Variants in NARF observed in about 807,000 individuals in gnomAD.
The protein encoded by NARF is nuclear prelamin A recognition factor, also known as iron-only hydrogenase-like protein 2.
NARF carries 41 observed loss-of-function variants against 48.0 expected under a neutral mutation model. The ratio of observed to expected loss-of-function variants is 0.85; its 90% CI spans 0.66 to 1.11. The LOEUF is 1.11. NARF is among the 50% of genes least tolerant of loss of function. The pLI, the probability that NARF is intolerant of heterozygous loss-of-function variation, is 0.00. For missense variants in NARF, 613 were observed against 590.2 expected, an observed-to-expected ratio of 1.04 and a Z score of -0.40; for synonymous variants, 215 against 225.5, an observed-to-expected ratio of 0.95 and a Z score of 0.42.
chr17:82,471,269 C>G (rs140100806), intron 4 of NARF, among the ~76,000 whole-genome samples: 11 of 150,634 alleles, frequency 7.3e-5, no homozygotes, highest in Admixed American at 2.0e-4. Context: ...TCCTGGCTAA[C>G]GCAGTGAAAC....
upstream of NARF, chr17:82,458,667 G>A (rs1373752445): frequency 4.2e-6 from 5 of 1,182,944 alleles, no homozygotes; most frequent in Non-Finnish European, 5.5e-6. Flanking sequence ...TGCTCTCATT[G>A]GCCGAGCGCG....
At chr17:82,478,377 A>G (rs1257303423) in intron 5 of NARF, among the ~76,000 whole-genome samples, 1 of 152,146 alleles carries the variant, frequency 6.6e-6, no homozygotes, top group Non-Finnish European at 1.5e-5. Context: ...CCGGTGAGAG[A>G]AGTTGGGCAA....
At chr17:82,472,797 C>G (rs2043743554) in intron 5 of NARF, 99 bp downstream of exon 5, 3 of 1,414,980 alleles carry the variant, frequency 2.1e-6, no homozygotes. Context: ...ACAGACCCAT[C>G]CCACCCAGCC....
At chr17:82,480,305 A>ACACACACACACACT in intron 6 of NARF, 1 of 400,350 alleles carries the variant, frequency 2.5e-6, no homozygotes, top group African/African-American at 2.0e-5. Context: ...ACACACACAC[A>ACACACACACACACT]CACACACTCA....
chr17:82,468,362 T>C (rs1221717508), intron 3 of NARF: 1 of 154,938 alleles, frequency 6.5e-6, no homozygotes, highest in African/African-American at 2.4e-5. Context: ...TCTTTTTTTT[T>C]TGAGACAGAG....
intron 5 of NARF, among the ~76,000 whole-genome samples, chr17:82,473,732 A>G (rs2043770836): frequency 6.6e-6 from 1 of 151,366 alleles, no homozygotes; most frequent in African/African-American, 2.4e-5. Flanking sequence ...TAATTTTTGT[A>G]TTTTTAGTAG....
Position 82,468,615 on chromosome 17 carries a change from T to C in NARF, c.253-149T>C, listed in dbSNP as rs978154517. 82 of 746,430 alleles carry C rather than the reference T, an allele frequency of 1.1e-4. 1 individual carries two copies. The highest frequency in any genetic ancestry group is 5.2e-5 in the Non-Finnish European group (25 of 481,924). The allele number at this position is 746,430 out of a possible 1,614,324, so 46.2% of individuals were successfully genotyped here. ...ATAATCCTGATTTTTTTTCTCCTTT[T>C]TCTTAATTATGTTTGCCAGTGTTTG... On this transcript the variant is annotated intron_variant, in intron 3 of 10. Transcript: ENST00000309794.
At chr17:82,487,287 C>G (rs908916538) in intron 10 of NARF, among the ~76,000 whole-genome samples, 6 of 151,546 alleles carry the variant, frequency 4.0e-5, no homozygotes, top group African/African-American at 1.5e-4. Flanking sequence ...AGTTTGAGAC[C>G]AGCCTGGCCA....
rs141410270 is a variant in NARF, at chr17:82,481,163, C to A, written c.721C>A (p.Pro241Thr). The A allele has an allele frequency of 1.2e-6, 2 of 1,614,102 alleles. No individual in the cohort carries two copies. The highest frequency in any genetic ancestry group is 2.2e-5 in the South Asian group (2 of 91,084). ...KKLEALQESLPPALHGSRGAD... is the reference protein window; with the variant it reads ...KKLEALQESLTPALHGSRGAD... ...GCTGGAGGCTCTTCAGGAAAGCCTT[C>A]CCCCTGCTTTGCATGGCTCCCGGGG... Residue 241 changes from proline (P) to threonine (T), a missense_variant, in exon 7 of 11, where the codon CCC becomes ACC. Coordinates refer to ENST00000309794, the MANE Select transcript of NARF (RefSeq NM_012336.4).
rs11400755 is a variant in NARF, at chr17:82,488,380, CTTT to C, written c.*234_*236del. ...GGTGTGGGATTGGAACTTTTTTTTT[CTTT>C]TTTTTTTTTTGAGACGGAGTCTCAC... On this transcript the variant is annotated 3_prime_UTR_variant, in exon 11 of 11. Coordinates refer to ENST00000309794, the MANE Select transcript of NARF (RefSeq NM_012336.4). 2.8e-4 allele frequency: 124 copies of C among 448,348 alleles called. No individual in the cohort carries two copies. The highest frequency in any genetic ancestry group is 3.6e-4 in the South Asian group (10 of 27,620). 27.8% of individuals were successfully genotyped at this position (448,348 alleles called of 1,614,324 possible).
At chr17:82,459,804 G>A (rs992513837) in intron 1 of NARF, among the ~76,000 whole-genome samples, 188 bp from the exon 2 acceptor site, 2 of 152,144 alleles carry the variant, frequency 1.3e-5, no homozygotes, top group African/African-American at 4.8e-5. Context: ...GGGAGGTGGA[G>A]GCTGCAGTGA....
upstream of NARF, chr17:82,458,635 G>A (rs2043344317): frequency 9.8e-6 from 8 of 817,110 alleles, no homozygotes; most frequent in Middle Eastern, 7.5e-4. Context: ...TTGGCCCAGG[G>A]GTGCGGCTTG....
At chr17:82,484,645 C>T in intron 8 of NARF, 168 bp from the exon 9 acceptor site, 1 of 769,084 alleles carries the variant, frequency 1.3e-6, no homozygotes. Flanking sequence ...TCCCAAGACC[C>T]CTCAAGATGC....
Position 82,481,166 on chromosome 17 carries a change from C to G in NARF, c.724C>G (p.Pro242Ala). 6.2e-7 allele frequency: 1 copy of G among 1,614,150 alleles called. No individual in the cohort carries two copies. The highest frequency in any genetic ancestry group is 8.5e-7 in the Non-Finnish European group (1 of 1,180,020). The change falls in exon 7 of 11, where the codon CCT becomes GCT. Residue 242 changes from proline to alanine, a missense_variant. Pro to Ala is a conservative substitution (Grantham distance 27). Transcript: ENST00000309794. The stretch of plus-strand genomic sequence containing the variant: ...GGAGGCTCTTCAGGAAAGCCTTCCC[C>G]CTGCTTTGCATGGCTCCCGGGGCGC... ...KLEALQESLP[P>A]ALHGSRGADC... is the part of the protein sequence containing the mutation.
In NARF at chr17:82,458,808, A is replaced by G; in HGVS notation, c.5A>G (p.Lys2Arg). 6.9e-7 allele frequency: 1 copy of G among 1,450,952 alleles called. No homozygotes were observed. The highest frequency in any genetic ancestry group is 9.0e-7 in the Non-Finnish European group (1 of 1,107,960). 89.9% of individuals were successfully genotyped at this position (1,450,952 alleles called of 1,614,324 possible). ...CTCCCGCCCGCCGCGCTCCAGATGA[A>G]GTGTGAGCACTGCACGCGCAAGGTG... M[K>R]CEHCTRKECS... The change falls in exon 1 of 11, where the codon AAG becomes AGG. Residue 2 changes from lysine (K) to arginine (R), a missense_variant. Transcript: ENST00000309794.
intron 1 of NARF, 70 bp downstream of exon 1, chr17:82,458,900 G>A (rs1461165530): frequency 7.7e-7 from 1 of 1,291,486 alleles, no homozygotes; most frequent in Non-Finnish European, 9.8e-7. Flanking sequence ...GCCGAGGTTG[G>A]CGGTCCGGGC....
At chr17:82,475,984 T>G (rs1208365386) in intron 5 of NARF, among the ~76,000 whole-genome samples, 1 of 152,142 alleles carries the variant, frequency 6.6e-6, no homozygotes, top group African/African-American at 2.4e-5. Context: ...TCCATCCTGG[T>G]CAAGACTTTT....
chr17:82,481,358 C>T (rs2143938439), intron 7 of NARF, 147 bp downstream of exon 7: 1 of 1,230,742 alleles, frequency 8.1e-7, no homozygotes, highest in Non-Finnish European at 1.1e-6. Flanking sequence ...GCTGAGGGTC[C>T]TAGGGGCTTA....
chr17:82,474,059 C>A (rs1051700998), intron 5 of NARF, among the ~76,000 whole-genome samples: 1 of 151,990 alleles, frequency 6.6e-6, no homozygotes, highest in Non-Finnish European at 1.5e-5. Flanking sequence ...GTGGCAAGTA[C>A]CTGTAATCAC....
Sources: allele counts gnomAD v4.1 joint callset (sites outside exome capture counted in the v4.1 genomes callset), GRCh38; gene constraint gnomAD v4.1.1; transcripts MANE v1.5; gene names NCBI Gene and HGNC (gene_info 2026-07-23, HGNC 2026-07-21).